The following SETD7 variants were observed in gnomAD, a reference collection of about 807,000 sequenced individuals.
The protein encoded by SETD7 is SET domain containing 7, histone lysine methyltransferase.
SETD7 carries 16 observed loss-of-function variants against 41.8 expected under a neutral mutation model. The ratio of observed to expected loss-of-function variants is 0.38; its 90% CI spans 0.26 to 0.58. The LOEUF (loss-of-function observed/expected upper bound fraction) is 0.58. Among genes scored for constraint, SETD7 ranks in the 20% least tolerant of loss-of-function variants. SETD7 has a pLI of 0.64. For synonymous variants in SETD7, 163 were observed against 169.7 expected, an observed-to-expected ratio of 0.96 and a Z score of 0.31; for missense variants, 346 against 459.7, an observed-to-expected ratio of 0.75 and a Z score of 2.26.
intron 2 of SETD7, among the ~76,000 whole-genome samples, chr4:139,538,017 G>A (rs4863504): frequency 0.8 from 121,178 of 152,034 alleles, 48,390 homozygotes; most frequent in Middle Eastern, 0.85. Context: ...ATGATGGCAA[G>A]CTTTCTACTA....
intron 1 of SETD7, among the ~76,000 whole-genome samples, chr4:139,547,526 G>T (rs1293200463): frequency 6.6e-6 from 1 of 152,110 alleles, no homozygotes; most frequent in East Asian, 1.9e-4. Context: ...TCTAATTCTA[G>T]AACATTAAGT....
chr4:139,524,775 C>G (rs1727279121), intron 4 of SETD7, among the ~76,000 whole-genome samples: 1 of 152,158 alleles, frequency 6.6e-6, no homozygotes, highest in African/African-American at 2.4e-5. Context: ...AAAGTGGTAA[C>G]AGACCACCAA....
At chr4:139,543,737 G>T (rs946910258) in intron 2 of SETD7, among the ~76,000 whole-genome samples, 5 of 151,308 alleles carry the variant, frequency 3.3e-5, no homozygotes, top group African/African-American at 1.2e-4. Flanking sequence ...CGGATCACGA[G>T]GTCAGGAGAT....
chr4:139,533,993 A>G (rs2592971), intron 2 of SETD7, among the ~76,000 whole-genome samples: 67,658 of 148,460 alleles, frequency 0.46, 16,158 homozygotes, highest in Non-Finnish European at 0.53. Flanking sequence ...ATGTATGTAT[A>G]TCTATGTATA....
At chr4:139,504,756 A>G (rs1206866636), downstream of SETD7, among the ~76,000 whole-genome samples, 1 of 152,188 alleles carries the variant, frequency 6.6e-6, no homozygotes, top group Non-Finnish European at 1.5e-5. Flanking sequence ...AATTTGGTCT[A>G]ACATAATTTT....
chr4:139,535,932 T>C lies in SETD7; in HGVS notation c.171-2566A>G, dbSNP rs770102611. Among the ~76,000 whole-genome samples, 4 of 152,288 alleles carry C rather than the reference T, an allele frequency of 2.6e-5. 1 individual carries two copies. Among genetic ancestry groups the C allele is most frequent in the Non-Finnish European group, 5.9e-5 (4 of 68,016 alleles). Reference sequence around the variant, plus strand: ...GAAATAAAATATACGTTTCTTAGACTGGCATTCAAGGCACTACCTTTCTCT... The same window carrying C: ...GAAATAAAATATACGTTTCTTAGACCGGCATTCAAGGCACTACCTTTCTCT... On this transcript the variant is annotated intron_variant, in intron 2 of 7. Coordinates refer to ENST00000274031, the MANE Select transcript of SETD7 (RefSeq NM_030648.4).
At chr4:139,532,931 A>C (rs1727527802) in intron 3 of SETD7, 1 of 581,850 alleles carries the variant, frequency 1.7e-6, no homozygotes, top group Non-Finnish European at 3.0e-6. Context: ...ATCATGATTA[A>C]TTACTCCTTT....
downstream of SETD7, among the ~76,000 whole-genome samples, chr4:139,502,621 G>A (rs1054585936): frequency 5.9e-5 from 9 of 152,180 alleles, no homozygotes; most frequent in Non-Finnish European, 1.0e-4. Context: ...AAAGCCCAGC[G>A]TCACACAGAC....
At chr4:139,522,093 G>A (rs1355634136) in intron 5 of SETD7, among the ~76,000 whole-genome samples, 1 of 152,232 alleles carries the variant, frequency 6.6e-6, no homozygotes. Flanking sequence ...CTATGGTCTT[G>A]TGTTTCGGAG....
chr4:139,509,587 G>T lies in SETD7; in HGVS notation c.*2076C>A. 2.4e-6 allele frequency: 1 copy of T among 424,452 alleles called. No individual in the cohort carries two copies. Among genetic ancestry groups the T allele is most frequent in the Non-Finnish European group, 3.2e-6 (1 of 317,384 alleles). 26.3% of individuals were successfully genotyped at this position (424,452 alleles called of 1,614,324 possible). On this transcript the variant is annotated 3_prime_UTR_variant, in exon 8 of 8. Coordinates refer to ENST00000274031, the MANE Select transcript of SETD7 (RefSeq NM_030648.4). ...GCATGACCAGCACTATCCTCTCCCT[G>T]ACCGTATTCCCTGACCTGGCTGCAC...
intron 7 of SETD7, among the ~76,000 whole-genome samples, chr4:139,513,357 T>C (rs980170184): frequency 8.6e-5 from 13 of 151,432 alleles, no homozygotes; most frequent in African/African-American, 3.2e-4. Context: ...GAGGTGGAGA[T>C]TGCAGTGAGC....
At chr4:139,545,417 A>T (rs1304426465) in intron 2 of SETD7, among the ~76,000 whole-genome samples, 1 of 152,162 alleles carries the variant, frequency 6.6e-6, no homozygotes, top group African/African-American at 2.4e-5. Flanking sequence ...GTGAGCCAAC[A>T]TGCCCAGGCC....
At chr4:139,516,539 G>A (rs1727032889) in intron 7 of SETD7, among the ~76,000 whole-genome samples, 1 of 150,128 alleles carries the variant, frequency 6.7e-6, no homozygotes, top group South Asian at 2.1e-4. Context: ...ATTTTGTAAT[G>A]TCTATTTCAT....
chr4:139,523,273 A>G, intron 5 of SETD7, 81 bp downstream of exon 5: 1 of 1,032,230 alleles, frequency 9.7e-7, no homozygotes, highest in Non-Finnish European at 1.5e-6. Flanking sequence ...GCAGAGAGCC[A>G]AAGAGGTGCA....
chr4:139,541,592 C>T (rs748327066), intron 2 of SETD7, among the ~76,000 whole-genome samples: 1 of 152,118 alleles, frequency 6.6e-6, no homozygotes, highest in Non-Finnish European at 1.5e-5. Context: ...TTCTTCTTCC[C>T]TTTTAATAGA....
chr4:139,538,407 G>A (rs1727697836), intron 2 of SETD7, among the ~76,000 whole-genome samples: 1 of 152,136 alleles, frequency 6.6e-6, no homozygotes, highest in Non-Finnish European at 1.5e-5. Context: ...TCGGCTTGCT[G>A]CAACCTCCAC....
downstream of SETD7, among the ~76,000 whole-genome samples, chr4:139,494,333 G>T (rs183994988): frequency 3.8e-3 from 574 of 152,176 alleles, 5 homozygotes; most frequent in African/African-American, 0.013. Flanking sequence ...ACTGATCCTG[G>T]TCACACATGT....
intron 3 of SETD7, among the ~76,000 whole-genome samples, chr4:139,530,061 C>A (rs575058040): frequency 3.3e-5 from 5 of 152,142 alleles, no homozygotes; most frequent in Non-Finnish European, 7.3e-5. Flanking sequence ...GTGGTAGGGA[C>A]ACAGTAGGTG....
chr4:139,501,610 A>AG (rs1473823635), downstream of SETD7, among the ~76,000 whole-genome samples: 1 of 151,588 alleles, frequency 6.6e-6, no homozygotes, highest in African/African-American at 2.4e-5. Context: ...GGTACTCAAA[A>AG]AAAAACCCCA....
Sources: allele counts gnomAD v4.1 joint callset (sites outside exome capture counted in the v4.1 genomes callset), GRCh38; gene constraint gnomAD v4.1.1; transcripts MANE v1.5; gene names NCBI Gene and HGNC (gene_info 2026-07-23, HGNC 2026-07-21).